PDE4B: variants seen among roughly 807,000 people sequenced by gnomAD.
PDE4B encodes 3',5'-cyclic-AMP phosphodiesterase 4B.
A neutral mutation model predicts 82.2 loss-of-function variants in PDE4B; 20 were observed. The ratio of observed to expected loss-of-function variants is 0.24; its 90% confidence interval spans 0.17 to 0.35. The LOEUF is 0.35. Among genes scored for constraint, PDE4B ranks in the 10% least tolerant of loss-of-function variants. The pLI is 1.00. For synonymous variants in PDE4B, 320 were observed against 318.9 expected (o/e 1.00, Z -0.04); for missense variants, 655 against 907.2 (o/e 0.72, Z 3.57).
chr1:66,044,401 T>C (rs2100838366), intron 3 of PDE4B, among the ~76,000 whole-genome samples: 1 of 151,876 alleles, frequency 6.6e-6, no homozygotes. Context: ...TGAATTTGTG[T>C]GGCCGAATGA....
In PDE4B at chr1:65,905,429, A is replaced by G. The variant is rs565684241; in HGVS notation, c.-70-7816A>G. ...GTTACAGGGGAGAGTGATGTGGCAT[A>G]AGCATAAGGTGGGGAAGCAAGTGGA... is the stretch of plus-strand genomic sequence containing the variant. On this transcript the variant is annotated intron_variant, in intron 1 of 16. Coordinates refer to ENST00000341517, the MANE Select transcript of PDE4B (RefSeq NM_002600.4). 2.0e-5 allele frequency among the ~76,000 whole-genome samples: 3 copies of G among 152,202 alleles called. No individual in the cohort carries two copies. The East Asian group carries it at 5.8e-4, about 29-fold the overall frequency.
intron 1 of PDE4B, among the ~76,000 whole-genome samples, chr1:65,827,483 C>T (rs1408707761): frequency 3.9e-5 from 6 of 151,952 alleles, no homozygotes; most frequent in Admixed American, 2.6e-4. Context: ...AAAAACCCCA[C>T]AGTAACAAAA....
intron 3 of PDE4B, among the ~76,000 whole-genome samples, chr1:66,118,399 G>T (rs1645640484): frequency 6.6e-6 from 1 of 152,014 alleles, no homozygotes. Context: ...CCATAAAAAA[G>T]GATGAGTTCA....
At chr1:66,084,068 G>A (rs17455267) in intron 3 of PDE4B, among the ~76,000 whole-genome samples, 4,923 of 152,082 alleles carry the variant, frequency 0.032, 124 homozygotes, top group Non-Finnish European at 0.048. Flanking sequence ...GGGTCCATGC[G>A]GTCAGTACAG....
intron 3 of PDE4B, among the ~76,000 whole-genome samples, chr1:66,029,773 A>G (rs572235611): frequency 1.3e-5 from 2 of 152,202 alleles, no homozygotes; most frequent in Non-Finnish European, 2.9e-5. Flanking sequence ...CAATAATGAA[A>G]TATTTTAAAT....
intron 6 of PDE4B, among the ~76,000 whole-genome samples, chr1:66,260,612 G>T (rs1241786062): frequency 6.6e-6 from 1 of 152,144 alleles, no homozygotes; most frequent in Non-Finnish European, 1.5e-5. Context: ...AAGGCGGGGT[G>T]GGTGGTGGTG....
intron 7 of PDE4B, among the ~76,000 whole-genome samples, chr1:66,301,881 T>C (rs1197757020): frequency 6.6e-6 from 1 of 152,120 alleles, no homozygotes; most frequent in Admixed American, 6.6e-5. Context: ...GGGAGAGATA[T>C]AAGTAACATG....
At chr1:66,325,158 G>C (rs1327385042) in intron 7 of PDE4B, among the ~76,000 whole-genome samples, 1 of 152,168 alleles carries the variant, frequency 6.6e-6, no homozygotes, top group East Asian at 1.9e-4. Flanking sequence ...CTAACTTAAA[G>C]GCATGTAGAG....
intron 3 of PDE4B, among the ~76,000 whole-genome samples, chr1:66,053,410 C>T (rs1299578063): frequency 6.6e-6 from 1 of 152,138 alleles, no homozygotes; most frequent in Admixed American, 6.6e-5. Context: ...TTTATCATGT[C>T]CCAGACATGT....
intron 15 of PDE4B, 51 bp downstream of exon 15, chr1:66,368,116 G>T: frequency 6.3e-7 from 1 of 1,580,776 alleles, no homozygotes; most frequent in South Asian, 1.1e-5. Context: ...AAACTAAGCT[G>T]AACAACAATT....
intron 3 of PDE4B, among the ~76,000 whole-genome samples, chr1:66,227,392 T>C (rs1388534931): frequency 6.6e-6 from 1 of 152,244 alleles, no homozygotes. Context: ...TCAGGATCCC[T>C]ATCTATATAA....
intron 3 of PDE4B, among the ~76,000 whole-genome samples, chr1:66,216,884 G>A (rs538477248): frequency 6.6e-6 from 1 of 152,206 alleles, no homozygotes. Context: ...TGGGTAGTGT[G>A]TTATCAATTT....
At chr1:65,881,768 G>T (rs1047737047) in intron 1 of PDE4B, among the ~76,000 whole-genome samples, 2 of 152,076 alleles carry the variant, frequency 1.3e-5, no homozygotes, top group African/African-American at 4.8e-5. Flanking sequence ...GCAACCTTAA[G>T]TTACCAATTT....
chr1:65,963,726 T>G (rs570236334), intron 3 of PDE4B, among the ~76,000 whole-genome samples: 2 of 152,206 alleles, frequency 1.3e-5, no homozygotes, highest in Non-Finnish European at 2.9e-5. Context: ...TGTGTTCACA[T>G]TGGCCTGAGG....
intron 7 of PDE4B, among the ~76,000 whole-genome samples, chr1:66,271,460 T>C (rs909792472): frequency 5.3e-5 from 8 of 152,178 alleles, no homozygotes. Context: ...AATGGAGTCA[T>C]TAAATAGATT....
At chr1:65,906,326 C>T (rs953639791) in intron 1 of PDE4B, among the ~76,000 whole-genome samples, 12 of 152,102 alleles carry the variant, frequency 7.9e-5, no homozygotes, top group Non-Finnish European at 1.3e-4. Flanking sequence ...CACTTTGGCA[C>T]AGTGATAACT....
At chr1:65,803,476 A>G (rs554313353) in intron 1 of PDE4B, among the ~76,000 whole-genome samples, 10 of 152,344 alleles carry the variant, frequency 6.6e-5, no homozygotes, top group African/African-American at 2.4e-4. Context: ...TTCAAAGAGA[A>G]CAATAAAAAC....
At chr1:65,812,908 C>T (rs752960463) in intron 1 of PDE4B, among the ~76,000 whole-genome samples, 1 of 152,100 alleles carries the variant, frequency 6.6e-6, no homozygotes, top group Non-Finnish European at 1.5e-5. Context: ...TTCTAAGGGT[C>T]CTAGACAGCC....
At chr1:65,955,874 G>A (rs996420623) in intron 3 of PDE4B, among the ~76,000 whole-genome samples, 10 of 152,054 alleles carry the variant, frequency 6.6e-5, no homozygotes, top group Non-Finnish European at 1.0e-4. Flanking sequence ...CTAAGAGAGC[G>A]CCTGGAATAT....
Sources: allele counts gnomAD v4.1 joint callset (sites outside exome capture counted in the v4.1 genomes callset), GRCh38; gene constraint gnomAD v4.1.1; transcripts MANE v1.5; gene names NCBI Gene and HGNC (gene_info 2026-07-23, HGNC 2026-07-21).